The following KIF1A variants were observed in gnomAD, a reference collection of about 807,000 sequenced individuals.
The protein encoded by KIF1A is kinesin family member 1A, also known as kinesin-like protein KIF1A.
Under a neutral mutation model 227.3 loss-of-function variants are expected in KIF1A, and 46 were observed. That is an observed-to-expected ratio of 0.20 (90% CI 0.16 to 0.26). KIF1A has a LOEUF of 0.26. KIF1A is among the 10% of genes least tolerant of loss of function. KIF1A has a pLI of 1.00. For missense variants in KIF1A, 1,683 were observed against 2,485.9 expected, an observed-to-expected ratio of 0.68 and a Z score of 6.87; for synonymous variants, 1,022 against 1,012.8, an observed-to-expected ratio of 1.01 and a Z score of -0.17.
At chr2:240,781,910 C>T in intron 10 of KIF1A, 1 of 985,414 alleles carries the variant, frequency 1.0e-6, no homozygotes, top group Non-Finnish European at 1.2e-6. Flanking sequence ...ACACGGGCCG[C>T]ACAGCTCTTC....
At chr2:240,815,256 A>C (rs764617114) in intron 1 of KIF1A, among the ~76,000 whole-genome samples, 1 of 152,160 alleles carries the variant, frequency 6.6e-6, no homozygotes, top group African/African-American at 2.4e-5. Context: ...CCTGTCCTGC[A>C]CCATCCTGGC....
intron 1 of KIF1A, among the ~76,000 whole-genome samples, chr2:240,817,887 G>A (rs141484895): frequency 0.011 from 1,709 of 152,320 alleles, 15 homozygotes; most frequent in Middle Eastern, 0.027. Context: ...TGAGGACTGC[G>A]GGGCACAGGC....
intron 1 of KIF1A, among the ~76,000 whole-genome samples, chr2:240,812,734 G>C (rs1335195030): frequency 6.7e-6 from 1 of 150,046 alleles, no homozygotes; most frequent in Non-Finnish European, 1.5e-5. Flanking sequence ...TCACCTCAGG[G>C]ATCCGCCTTC....
At chr2:240,809,295 A>G (rs2057679695) in intron 1 of KIF1A, among the ~76,000 whole-genome samples, 1 of 152,246 alleles carries the variant, frequency 6.6e-6, no homozygotes, top group African/African-American at 2.4e-5. Flanking sequence ...AGAAGAAGAA[A>G]AAAAAGACCA....
intron 17 of KIF1A, 115 bp from the exon 18 acceptor site, chr2:240,767,460 G>C (rs1027458849): frequency 4.9e-6 from 4 of 815,938 alleles, no homozygotes; most frequent in Non-Finnish European, 8.0e-6. Context: ...CCCTGCCCCC[G>C]CACTTGGCTG....
At position 240,766,775 on chromosome 2, in the gene KIF1A, A is replaced by G. The variant is rs2051258526; in HGVS notation, c.1684+140T>C. 2.9e-5 allele frequency: 18 copies of G among 622,552 alleles called. No homozygotes were observed. In the South Asian group the frequency reaches 3.0e-4, roughly 11 times the overall value. 38.6% of individuals were successfully genotyped at this position (622,552 alleles called of 1,614,324 possible). On this transcript the variant is annotated intron_variant, in intron 19 of 48. Coordinates refer to ENST00000498729, the MANE Select transcript of KIF1A (RefSeq NM_001244008.2). This position sits in a 1 kb window ranked among gnomAD's most constrained non-coding sequence, Gnocchi z 5.0. ...CACACACACACACACACACACACAC[A>G]CACACACACACGTCCTGCCTAGAAG...
chr2:240,794,411 G>A (rs2056127760), intron 2 of KIF1A, among the ~76,000 whole-genome samples: 1 of 152,186 alleles, frequency 6.6e-6, no homozygotes, highest in Non-Finnish European at 1.5e-5. Context: ...CACAGGACCT[G>A]CAGTGAGTGC....
chr2:240,819,156 GC>G (rs1417399958), intron 1 of KIF1A, among the ~76,000 whole-genome samples: 3 of 152,072 alleles, frequency 2.0e-5, no homozygotes, highest in African/African-American at 4.8e-5. Context: ...CGGGGATGCT[GC>G]CCCGGCCCTT....
rs1394129571 is a variant in KIF1A, at chr2:240,734,646, G to A, written c.4007+2417C>T. 2.6e-6 allele frequency: 3 copies of A among 1,174,864 alleles called. No homozygotes were observed. The South Asian group carries it at 3.8e-5, about 15-fold the overall frequency. 72.8% of individuals were successfully genotyped at this position (1,174,864 alleles called of 1,614,324 possible). A position where few individuals can be genotyped will look rare whatever the true frequency, so the allele number is the denominator to read the frequency against. On this transcript the variant is annotated intron_variant, in intron 38 of 48. Coordinates refer to ENST00000498729, the MANE Select transcript of KIF1A (RefSeq NM_001244008.2). Reference sequence around the variant, plus strand: ...TAACTTCTCAGGGGCATGGGGGGCGGTCAGGGGAGGAGCAGGGAGGAAAGA... The same window carrying A: ...TAACTTCTCAGGGGCATGGGGGGCGATCAGGGGAGGAGCAGGGAGGAAAGA...
At position 240,758,507 on chromosome 2, in the gene KIF1A, C is replaced by T. The variant is rs565517877; in HGVS notation, c.2445-10G>A. ...CAGGTCCAGACGCTGCCTGCAGGGA[C>T]GGCAGGGGTCAATGTGGACCCAGGC... On this transcript the variant is annotated splice_polypyrimidine_tract_variant and intron_variant, in intron 25 of 48. Transcript: ENST00000498729. This position sits in a 1 kb window ranked among gnomAD's most constrained non-coding sequence, Gnocchi z 5.2. 47 of 1,562,024 alleles carry T rather than the reference C, an allele frequency of 3.0e-5. No homozygotes were observed. The Middle Eastern group carries it at 5.1e-4, about 17-fold the overall frequency.
At position 240,736,168 on chromosome 2, in the gene KIF1A, T is replaced by C. The variant is rs759639915; in HGVS notation, c.4007+895A>G. ...GAGACGACGCCCGCCAGGACCCTCCTTCCTTATGACCCTGACCCTCCTTGC... is the reference window on the plus strand; with the variant it reads ...GAGACGACGCCCGCCAGGACCCTCCCTCCTTATGACCCTGACCCTCCTTGC... On this transcript the variant is annotated intron_variant, in intron 38 of 48. Coordinates refer to ENST00000498729, the MANE Select transcript of KIF1A (RefSeq NM_001244008.2). The surrounding 1 kb of genome is among the most constrained non-coding windows in gnomAD (Gnocchi z 4.7). Among the ~76,000 whole-genome samples the C allele has an allele frequency of 9.9e-5, 15 of 152,218 alleles. No homozygotes were observed. The highest frequency in any genetic ancestry group is 1.5e-4 in the Non-Finnish European group (10 of 67,994).
At chr2:240,786,591 G>GCAT in intron 5 of KIF1A, 78 bp from the exon 6 acceptor site, 1 of 1,338,124 alleles carries the variant, frequency 7.5e-7, no homozygotes, top group South Asian at 1.2e-5. Flanking sequence ...CCTGAGTGAG[G>GCAT]GGGTAGGGGT....
chr2:240,781,925 T>A, intron 10 of KIF1A: 1 of 985,346 alleles, frequency 1.0e-6, no homozygotes, highest in Non-Finnish European at 1.2e-6. Flanking sequence ...CTCTTCACAA[T>A]TCACACAGTT....
intron 27 of KIF1A, among the ~76,000 whole-genome samples, chr2:240,755,871 G>A (rs550519916): frequency 1.1e-4 from 17 of 152,220 alleles, no homozygotes; most frequent in Admixed American, 3.3e-4. Context: ...CCTACGGCCC[G>A]GGGCTTTCTG....
chr2:240,812,796 C>T (rs2057986409), intron 1 of KIF1A, among the ~76,000 whole-genome samples: 1 of 149,846 alleles, frequency 6.7e-6, no homozygotes, highest in Admixed American at 6.7e-5. Context: ...CTGGGTCCGC[C>T]TTCACCTCAA....
rs1459873902 is a variant in KIF1A at position 240,757,470 on chromosome 2, C to T, written c.2707G>A (p.Glu903Lys). The stretch of plus-strand genomic sequence containing the variant: ...TCCTCCTCCTCCCCCACGCTCTGCT[C>T]CTCGGCAGGCTCGGTGGCGTCGGAG... ...PDSDATEPAE[E>K]QSVGEEEEEE... The change falls in exon 27 of 49, where the codon GAG becomes AAG. Residue 903 changes from glutamate (E) to lysine (K), a missense_variant. By Grantham distance (56) the Glu-to-Lys change is moderately conservative (BLOSUM62 1). This residue lies in a region of KIF1A where 759 missense variants were observed against 1,020.2 expected (regional missense o/e 0.74). Transcript: ENST00000498729. The surrounding 1 kb of genome is among the most constrained non-coding windows in gnomAD (Gnocchi z 6.2). 2 of 1,550,448 alleles carry T rather than the reference C, an allele frequency of 1.3e-6. No individual in the cohort carries two copies. Among genetic ancestry groups the T allele is most frequent in the East Asian group, 2.4e-5 (1 of 40,908 alleles).
chr2:240,760,337 G>A (rs1044734838), intron 25 of KIF1A, among the ~76,000 whole-genome samples: 1 of 152,254 alleles, frequency 6.6e-6, no homozygotes, highest in Admixed American at 6.5e-5. Context: ...AGCCTGTTCT[G>A]TCGGTGCCAC....
chr2:240,734,731 G>A (rs1050231854), intron 38 of KIF1A: 22 of 1,304,516 alleles, frequency 1.7e-5, no homozygotes, highest in Admixed American at 2.3e-5. Context: ...AGGTATGTCC[G>A]AATCAAGAAA....
intron 48 of KIF1A, 46 bp downstream of exon 48, chr2:240,718,004 G>C: frequency 7.8e-7 from 1 of 1,282,098 alleles, no homozygotes. Flanking sequence ...AGCCGGTTGA[G>C]GGCAGGACCC....
Sources: gnomAD v4.1 joint callset for allele counts (sites outside exome capture counted in the v4.1 genomes callset) on GRCh38, gnomAD v4.1.1 for gene constraint, gnomAD v4.1.1 regional missense constraint, Gnocchi (gnomAD v3.1) non-coding constraint, MANE v1.5 for transcripts, NCBI Gene and HGNC (gene_info 2026-07-23, HGNC 2026-07-21) for gene names.